PLXDC2: variants seen among roughly 807,000 people sequenced by gnomAD.
PLXDC2 encodes plexin domain containing 2.
Under a neutral mutation model 68.9 loss-of-function variants are expected in PLXDC2, and 40 were observed. That is an observed-to-expected ratio of 0.58 (90% confidence interval 0.45 to 0.76). The LOEUF is 0.76. Among genes scored for constraint, PLXDC2 ranks in the 30% least tolerant of loss-of-function variants. The probability of loss-of-function intolerance (pLI) is 0.00; values close to 1 mark genes in which losing one functional copy is unlikely to be tolerated. For missense variants in PLXDC2, 644 were observed against 661.9 expected, an observed-to-expected ratio of 0.97 and a Z score of 0.30; for synonymous variants, 243 against 234.2, an observed-to-expected ratio of 1.04 and a Z score of -0.34.
intron 9 of PLXDC2, among the ~76,000 whole-genome samples, chr10:20,209,517 A>T (rs572522448): frequency 2.2e-5 from 2 of 92,364 alleles, no homozygotes; most frequent in South Asian, 6.9e-4. Flanking sequence ...CCTAAAACTT[A>T]AAGTATAATA....
rs117052109 is a variant in PLXDC2 at position 20,104,790 on chromosome 10, C to T, written c.541+36551C>T. Among the ~76,000 whole-genome samples, 16 of 152,172 alleles carry T rather than the reference C, an allele frequency of 1.1e-4. No homozygotes were observed. In the East Asian group the frequency reaches 1.5e-3, roughly 15 times the overall value. On this transcript the variant is annotated intron_variant, in intron 4 of 13. Transcript: ENST00000377252. ...AGATCAGGCCGGGTGTGGTGTCTCA[C>T]GCCTGTAATCCCAGCACTGCGGGAA...
chr10:20,061,864 C>G lies in PLXDC2; in HGVS notation c.472-6306C>G, dbSNP rs371767497. ...ACAATTTACCAGAATCGGTTTAAGT[C>G]TTTAAGAGCTGTGATAATGCACTGG... is the stretch of plus-strand genomic sequence containing the variant. On this transcript the variant is annotated intron_variant, in intron 3 of 13. Coordinates refer to ENST00000377252, the MANE Select transcript of PLXDC2 (RefSeq NM_032812.9). Among the ~76,000 whole-genome samples the G allele has an allele frequency of 5.9e-5, 9 of 152,242 alleles. No homozygotes were observed. The South Asian group carries it at 6.2e-4, about 11-fold the overall frequency.
chr10:20,066,043 C>T (rs149757247), intron 3 of PLXDC2, among the ~76,000 whole-genome samples: 266 of 152,302 alleles, frequency 1.7e-3, no homozygotes, highest in Non-Finnish European at 3.1e-3. Context: ...GTATCAGTAG[C>T]GACTGGCAAG....
At chr10:19,950,542 A>G (rs1262591498) in intron 1 of PLXDC2, among the ~76,000 whole-genome samples, 1 of 152,310 alleles carries the variant, frequency 6.6e-6, no homozygotes, top group South Asian at 2.1e-4. Flanking sequence ...TTACATGCTC[A>G]TAGATTTGAA....
rs1836181633 is a variant in PLXDC2, at chr10:20,287,989, G to GGGGA, written c.*8173_*8174insAGGG. Reference sequence around the variant, plus strand: ...GGGCACTTCTTGCGGCGGGGGAGGGGGGGGGGGCGGTGGCTTTCCAGATTT... The same window carrying GGGGA: ...GGGCACTTCTTGCGGCGGGGGAGGGGGGGAGGGGGGGCGGTGGCTTTCCAGATTT... On this transcript the variant is annotated 3_prime_UTR_variant, in exon 14 of 14. Coordinates refer to ENST00000377252, the MANE Select transcript of PLXDC2 (RefSeq NM_032812.9). 1 of 4,306 alleles carries GGGGA rather than the reference G, an allele frequency of 2.3e-4. No homozygotes were observed. The highest frequency in any genetic ancestry group is 1.4e-3 in the Non-Finnish European group (1 of 696). The allele number at this position is 4,306 out of a possible 1,614,324, so 0.3% of individuals were successfully genotyped here. A position where few individuals can be genotyped will look rare whatever the true frequency, so the allele number is the denominator to read the frequency against.
chr10:19,830,142 G>A (rs1457462416), intron 1 of PLXDC2, among the ~76,000 whole-genome samples: 1 of 152,190 alleles, frequency 6.6e-6, no homozygotes, highest in Non-Finnish European at 1.5e-5. Context: ...CATGAAATTT[G>A]CATAAATAGC....
At chr10:19,850,773 A>T (rs1837101247) in intron 1 of PLXDC2, among the ~76,000 whole-genome samples, 1 of 152,192 alleles carries the variant, frequency 6.6e-6, no homozygotes, top group Non-Finnish European at 1.5e-5. Context: ...AAAGCAAATC[A>T]GGGCTTACTC....
intron 1 of PLXDC2, among the ~76,000 whole-genome samples, chr10:20,001,467 G>A (rs946626483): frequency 3.3e-5 from 5 of 152,284 alleles, no homozygotes; most frequent in African/African-American, 4.8e-5. Context: ...TGTGTATGAA[G>A]TGTGCGTGTG....
chr10:20,254,485 A>G (rs1053891960), intron 13 of PLXDC2, among the ~76,000 whole-genome samples: 12 of 152,326 alleles, frequency 7.9e-5, no homozygotes, highest in Admixed American at 7.8e-4. Flanking sequence ...CATATTTTTA[A>G]TAACTGAGTT....
At chr10:19,864,796 G>T (rs543355689) in intron 1 of PLXDC2, among the ~76,000 whole-genome samples, 10 of 152,318 alleles carry the variant, frequency 6.6e-5, no homozygotes, top group African/African-American at 2.4e-4. Context: ...TCTCAGGGGA[G>T]TAGGAAAACA....
intron 13 of PLXDC2, among the ~76,000 whole-genome samples, chr10:20,258,995 G>A (rs1400504428): frequency 7.0e-6 from 1 of 142,592 alleles, no homozygotes; most frequent in Non-Finnish European, 1.5e-5. Flanking sequence ...GCGACAGAGC[G>A]ATACTCCGTC....
intron 1 of PLXDC2, among the ~76,000 whole-genome samples, chr10:19,960,097 C>T (rs1452245579): frequency 6.6e-6 from 1 of 150,506 alleles, no homozygotes; most frequent in Non-Finnish European, 1.5e-5. Flanking sequence ...ACGGCTCATG[C>T]CTGACATCTC....
chr10:19,839,356 G>A (rs1185714603), intron 1 of PLXDC2, among the ~76,000 whole-genome samples: 1 of 152,098 alleles, frequency 6.6e-6, no homozygotes, highest in East Asian at 1.9e-4. Context: ...AACATTATGA[G>A]ATTTTTTTGC....
At chr10:20,096,357 G>A (rs903013247) in intron 4 of PLXDC2, among the ~76,000 whole-genome samples, 3 of 152,088 alleles carry the variant, frequency 2.0e-5, no homozygotes, top group African/African-American at 7.2e-5. Context: ...AAGAAAATAA[G>A]ATTGTAGGAG....
chr10:19,994,048 G>A (rs12779340), intron 1 of PLXDC2, among the ~76,000 whole-genome samples: 9,705 of 151,920 alleles, frequency 0.064, 380 homozygotes, highest in Middle Eastern at 0.13. Context: ...TAGTTTCATA[G>A]CCTTTCAATC....
chr10:20,239,057 T>C (rs1299211905), intron 12 of PLXDC2, among the ~76,000 whole-genome samples: 1 of 152,114 alleles, frequency 6.6e-6, no homozygotes, highest in Non-Finnish European at 1.5e-5. Context: ...GAGACTCTAT[T>C]TTATGGCTTC....
chr10:19,833,247 G>A (rs1227929328), intron 1 of PLXDC2, among the ~76,000 whole-genome samples: 1 of 152,336 alleles, frequency 6.6e-6, no homozygotes, highest in Admixed American at 6.5e-5. Context: ...TGATAGTCAA[G>A]TGCAGTGCTA....
intron 12 of PLXDC2, among the ~76,000 whole-genome samples, chr10:20,227,063 T>C (rs964416203): frequency 9.9e-5 from 15 of 152,180 alleles, no homozygotes; most frequent in African/African-American, 3.6e-4. Flanking sequence ...TTGTAGTAGA[T>C]GGCCCTATAC....
intron 13 of PLXDC2, among the ~76,000 whole-genome samples, chr10:20,254,358 C>T (rs1235524872): frequency 6.6e-6 from 1 of 152,166 alleles, no homozygotes; most frequent in Non-Finnish European, 1.5e-5. Flanking sequence ...TCTTGCTTTG[C>T]AGCTGCTGGA....
Sources: gnomAD v4.1 joint callset for allele counts (sites outside exome capture counted in the v4.1 genomes callset) on GRCh38, gnomAD v4.1.1 for gene constraint, MANE v1.5 for transcripts, NCBI Gene and HGNC (gene_info 2026-07-23, HGNC 2026-07-21) for gene names.